The following NOTCH4 variants were observed in gnomAD, a reference collection of about 807,000 sequenced individuals.
NOTCH4 encodes the protein notch receptor 4.
NOTCH4 carries 138 observed loss-of-function variants against 189.0 expected under a neutral mutation model. That is an observed-to-expected ratio of 0.73 (90% CI 0.64 to 0.84). NOTCH4 has a LOEUF of 0.84. Among genes scored for constraint, NOTCH4 ranks in the 40% least tolerant of loss-of-function variants. The pLI, the probability that NOTCH4 is intolerant of heterozygous loss-of-function variation, is 0.00. For missense variants in NOTCH4, 2,286 were observed against 2,605.4 expected (o/e 0.88, Z 2.67); for synonymous variants, 942 against 1,032.8 (o/e 0.91, Z 1.69).
chr6:32,208,613 G>A (rs1490114856), intron 18 of NOTCH4, among the ~76,000 whole-genome samples: 1 of 152,112 alleles, frequency 6.6e-6, no homozygotes, highest in East Asian at 1.9e-4. Flanking sequence ...CCACGCCTGT[G>A]ATCCCAGTTA....
rs959514345 is a variant in NOTCH4, at chr6:32,212,816, G to A, written c.2526+8C>T. The A allele has an allele frequency of 1.3e-6, 2 of 1,524,240 alleles. No individual in the cohort carries two copies. The highest frequency in any genetic ancestry group is 1.8e-6 in the Non-Finnish European group (2 of 1,134,092). 94.4% of individuals were successfully genotyped at this position (1,524,240 alleles called of 1,614,324 possible). Reference sequence around the variant, plus strand: ...CTCCTCAGCACGCCTGACTTCAATGGCCCTCACCTGGCAGCTGCCTCCGGT... The same window carrying A: ...CTCCTCAGCACGCCTGACTTCAATGACCCTCACCTGGCAGCTGCCTCCGGT... On this transcript the variant is annotated splice_region_variant and intron_variant, in intron 16 of 29. Coordinates refer to ENST00000375023, the MANE Select transcript of NOTCH4 (RefSeq NM_004557.4). This position sits in a 1 kb window ranked among gnomAD's most constrained non-coding sequence, Gnocchi z 4.4.
intron 26 of NOTCH4, 81 bp from the exon 27 acceptor site, chr6:32,197,675 A>C: frequency 7.7e-7 from 1 of 1,295,160 alleles, no homozygotes; most frequent in South Asian, 1.5e-5. Context: ...AGAGAGAATC[A>C]AAACCTGAGG....
At chr6:32,213,657 ACCCCAG>A (rs1305622719) in intron 14 of NOTCH4, 25 bp downstream of exon 14, 1 of 1,605,652 alleles carries the variant, frequency 6.2e-7, no homozygotes, top group South Asian at 1.1e-5. Context: ...TCTCCTGTGG[ACCCCAG>A]CCCCATGACA....
chr6:32,219,331 T>C (rs1039295572), intron 8 of NOTCH4, among the ~76,000 whole-genome samples: 4 of 152,100 alleles, frequency 2.6e-5, no homozygotes, highest in African/African-American at 9.7e-5. Flanking sequence ...TGGACCAGGT[T>C]GTGCAGCCTC....
chr6:32,223,826 T>C (rs1789951567), intron 1 of NOTCH4, 30 bp downstream of exon 1: 2 of 1,595,764 alleles, frequency 1.3e-6, no homozygotes, highest in Admixed American at 3.5e-5. Context: ...GGGAGCTGGG[T>C]CCCCTCACCT....
chr6:32,196,151 C>T lies in NOTCH4; in HGVS notation c.5299-1G>A. On this transcript the variant is annotated splice_acceptor_variant, in intron 29 of 29. Transcript: ENST00000375023. LOFTEE classifies it high-confidence loss of function. Reference sequence around the variant, plus strand: ...CCGCCAGGAATAGCGGCGTCTGCTCCTGTACAGAAGAGCCAGGGCCGATAT... The same window carrying T: ...CCGCCAGGAATAGCGGCGTCTGCTCTTGTACAGAAGAGCCAGGGCCGATAT... 1 of 1,590,808 alleles carries T rather than the reference C, an allele frequency of 6.3e-7. No homozygotes were observed. Among genetic ancestry groups the T allele is most frequent in the Non-Finnish European group, 8.5e-7 (1 of 1,174,724 alleles).
chr6:32,197,398 GCGGGCAGCGGTTGGCCGGGAGAAT>G lies in NOTCH4; in HGVS notation c.4929_4952del (p.Phe1644_Arg1651del), dbSNP rs1337999456. 6.5e-7 allele frequency: 1 copy of G among 1,541,132 alleles called. No homozygotes were observed. The highest frequency in any genetic ancestry group is 8.7e-7 in the Non-Finnish European group (1 of 1,143,678). On this transcript the variant is annotated inframe_deletion, in exon 27 of 30. Transcript: ENST00000375023. ...GGTTGGCTCCAGCCTCAAGGAGGCG[GCGGGCAGCGGTTGGCCGGGAGAAT>G]CGGGCAGCCAGGTGCAGGGGGGTCT...
At chr6:32,197,684 G>T in intron 26 of NOTCH4, 90 bp from the exon 27 acceptor site, 1 of 1,212,710 alleles carries the variant, frequency 8.2e-7, no homozygotes, top group Non-Finnish European at 1.1e-6. Flanking sequence ...CAAAACCTGA[G>T]GTGTTGGGAA....
At position 32,212,003 on chromosome 6, in the gene NOTCH4, A is replaced by G. The variant is rs118058787; in HGVS notation, c.2680+471T>C. Among the ~76,000 whole-genome samples the G allele has an allele frequency of 2.3e-3, 353 of 152,314 alleles. 15 individuals carry two copies. In the East Asian group the frequency reaches 0.06, roughly 26 times the overall value. On this transcript the variant is annotated intron_variant, in intron 17 of 29. Coordinates refer to ENST00000375023, the MANE Select transcript of NOTCH4 (RefSeq NM_004557.4). The surrounding 1 kb of genome is among the most constrained non-coding windows in gnomAD (Gnocchi z 4.4). ...TCTCTCCCTGTGATTCCCATCAGCT[A>G]TCCCTTAACTCCATCATAATCTCTT...
At position 32,200,863 on chromosome 6, in the gene NOTCH4, G is replaced by A. The variant is rs745649531; in HGVS notation, c.4283C>T (p.Pro1428Leu). The change falls in exon 23 of 30, where the codon CCA (proline) becomes CTA (leucine). Residue 1428 changes from proline (P) to leucine (L), a missense_variant. Physicochemically the swap from Pro to Leu is moderately conservative, Grantham distance 98. This residue lies in a region of NOTCH4 where 1,903 missense variants were observed against 2,261.9 expected (regional missense o/e 0.84). Transcript: ENST00000375023. The surrounding 1 kb of genome is among the most constrained non-coding windows in gnomAD (Gnocchi z 5.0). Reference sequence around the variant, plus strand: ...TGCATGAGGGTGGACAGCCAGCAGTGGTCCAGGCAGCAGGGGCTCCAGGGC... The same window carrying A: ...TGCATGAGGGTGGACAGCCAGCAGTAGTCCAGGCAGCAGGGGCTCCAGGGC... ...VGALEPLLPG[P>L]LLAVHPHAGT... The A allele has an allele frequency of 6.2e-7, 1 of 1,608,424 alleles. No homozygotes were observed. The highest frequency in any genetic ancestry group is 1.7e-5 in the Admixed American group (1 of 59,206).
chr6:32,198,285 C>A lies in NOTCH4; in HGVS notation c.4756+136G>T. The A allele has an allele frequency of 1.0e-6, 1 of 957,146 alleles. No individual in the cohort carries two copies. Among genetic ancestry groups the A allele is most frequent in the Non-Finnish European group, 1.5e-6 (1 of 656,368 alleles). The allele number at this position is 957,146 out of a possible 1,614,324, so 59.3% of individuals were successfully genotyped here. A position where few individuals can be genotyped will look rare whatever the true frequency, so the allele number is the denominator to read the frequency against. On this transcript the variant is annotated intron_variant, in intron 26 of 29. Coordinates refer to ENST00000375023, the MANE Select transcript of NOTCH4 (RefSeq NM_004557.4). This position sits in a 1 kb window ranked among gnomAD's most constrained non-coding sequence, Gnocchi z 5.5. Reference sequence around the variant, plus strand: ...TGATGCTGATTTTGCTGTCTGAGGACCACACTTTGAGAATCATTGTTCTAA... The same window carrying A: ...TGATGCTGATTTTGCTGTCTGAGGAACACACTTTGAGAATCATTGTTCTAA...
chr6:32,207,637 C>G lies in NOTCH4; in HGVS notation c.2865+3115G>C, dbSNP rs2856435. Among the ~76,000 whole-genome samples the G allele has an allele frequency of 2.7e-3, 377 of 141,370 alleles. 2 individuals carry two copies. The highest frequency in any genetic ancestry group is 4.5e-3 in the Non-Finnish European group (286 of 63,942). The allele number at this position is 141,370 out of a possible 152,430, so 92.7% of individuals were successfully genotyped here. A position where few individuals can be genotyped will look rare whatever the true frequency, so the allele number is the denominator to read the frequency against. On this transcript the variant is annotated intron_variant, in intron 18 of 29. Transcript: ENST00000375023. ...ACAGAGCAAGACTCTATCCCCCCCCCCCAAAAAAAAAGAAAAAAAGAAACT... is the reference window on the plus strand; with the variant it reads ...ACAGAGCAAGACTCTATCCCCCCCCGCCAAAAAAAAAGAAAAAAAGAAACT...
intron 20 of NOTCH4, 181 bp downstream of exon 20, chr6:32,203,589 A>G (rs190144753): frequency 5.3e-6 from 3 of 566,248 alleles, no homozygotes; most frequent in African/African-American, 1.9e-5. Context: ...CATGCTATCA[A>G]CTGATCCTGC....
In NOTCH4 at chr6:32,201,638, G is replaced by T; in HGVS notation, c.3756-138C>A. On this transcript the variant is annotated intron_variant, in intron 21 of 29. Coordinates refer to ENST00000375023, the MANE Select transcript of NOTCH4 (RefSeq NM_004557.4). The surrounding 1 kb of genome is among the most constrained non-coding windows in gnomAD (Gnocchi z 5.5). ...GGGCAGCTGTGGAGCAATGAGCTTA[G>T]TCAAGTCCTGGATGGTAGTCCAGAC... 1.3e-6 allele frequency: 1 copy of T among 762,178 alleles called. No homozygotes were observed. The highest frequency in any genetic ancestry group is 1.9e-6 in the Non-Finnish European group (1 of 527,212). 47.2% of individuals were successfully genotyped at this position (762,178 alleles called of 1,614,324 possible). A position where few individuals can be genotyped will look rare whatever the true frequency, so the allele number is the denominator to read the frequency against.
In NOTCH4 at chr6:32,195,439, A is replaced by G. The variant is rs1401101838; in HGVS notation, c.6010T>C (p.Ter2004GlnextTer5). The G allele has an allele frequency of 6.3e-7, 1 of 1,583,408 alleles. No individual in the cohort carries two copies. Among genetic ancestry groups the G allele is most frequent in the Non-Finnish European group, 8.6e-7 (1 of 1,164,826 alleles). ...ATTCCTCCCTACCATGTATTCTTCT[A>G]TTTTTTACCCTCTCCTCCTTGGTTT... is the stretch of plus-strand genomic sequence containing the variant. Reference protein sequence around the residue: ...PINQGGEGKK* With the variant: ...PINQGGEGKKQ The change falls in exon 30 of 30, where the codon TAG (stop) becomes CAG (glutamine). Residue 2004 changes from the stop codon to glutamine (Q), a stop_lost. Transcript: ENST00000375023. This position sits in a 1 kb window ranked among gnomAD's most constrained non-coding sequence, Gnocchi z 5.4.
At position 32,223,864 on chromosome 6, in the gene NOTCH4, C is replaced by A. The variant is rs2127492705; in HGVS notation, c.65G>T (p.Arg22Ile). Reference protein sequence around the residue: ...LLLLLCVSVVRPRGLLCGSFP... With the variant: ...LLLLLCVSVVIPRGLLCGSFP... ...CCCACGCCATGCCTCACCTCTGGGT[C>A]TGACCACTGAGACACATAGCAGCAG... The change falls in exon 1 of 30, where the codon AGA becomes ATA. Residue 22 changes from arginine to isoleucine, a missense_variant. Transcript: ENST00000375023. 6.2e-7 allele frequency: 1 copy of A among 1,605,848 alleles called. No homozygotes were observed.
rs142477287 is a variant in NOTCH4 at position 32,202,158 on chromosome 6, G to A, written c.3673C>T (p.Arg1225Trp). The change falls in exon 21 of 30, where the codon CGG becomes TGG. Residue 1225 changes from arginine to tryptophan, a missense_variant. Coordinates refer to ENST00000375023, the MANE Select transcript of NOTCH4 (RefSeq NM_004557.4). The surrounding 1 kb of genome is among the most constrained non-coding windows in gnomAD (Gnocchi z 5.7). ...PSHSRCWLLFRDGQCHPQCDS... is the reference protein window; with the variant it reads ...PSHSRCWLLFWDGQCHPQCDS... ...CACTGTGGGTGGCACTGCCCGTCCC[G>A]GAAGAGAAGCCAGCACCGAGAGTGG... 4.6e-6 allele frequency: 7 copies of A among 1,519,974 alleles called. No homozygotes were observed. The highest frequency in any genetic ancestry group is 6.2e-6 in the Non-Finnish European group (7 of 1,134,320). The allele number at this position is 1,519,974 out of a possible 1,614,324, so 94.2% of individuals were successfully genotyped here. A position where few individuals can be genotyped will look rare whatever the true frequency, so the allele number is the denominator to read the frequency against.
Position 32,210,103 on chromosome 6 carries a change from C to A in NOTCH4, c.2865+649G>T, listed in dbSNP as rs206018. ...CACAAAGAAGAGGCCCTAATCCAGC[C>A]TGGGGAGAAGTTAGGGACATCTTCC... is the stretch of plus-strand genomic sequence containing the variant. On this transcript the variant is annotated intron_variant, in intron 18 of 29. Coordinates refer to ENST00000375023, the MANE Select transcript of NOTCH4 (RefSeq NM_004557.4). The surrounding 1 kb of genome is among the most constrained non-coding windows in gnomAD (Gnocchi z 4.8). Among the ~76,000 whole-genome samples the A allele has an allele frequency of 5.9e-5, 9 of 152,018 alleles. No individual in the cohort carries two copies. The highest frequency in any genetic ancestry group is 1.9e-4 in the African/African-American group (8 of 41,344).
At chr6:32,196,278 C>T (rs370085599) in intron 29 of NOTCH4, 46 bp downstream of exon 29, 4 of 1,612,980 alleles carry the variant, frequency 2.5e-6, no homozygotes, top group Non-Finnish European at 2.5e-6. Flanking sequence ...CTTTCCATCT[C>T]TCGTGCGCCT....
Sources: gnomAD v4.1 joint callset for allele counts (sites outside exome capture counted in the v4.1 genomes callset) on GRCh38, gnomAD v4.1.1 for gene constraint, gnomAD v4.1.1 regional missense constraint, Gnocchi (gnomAD v3.1) non-coding constraint, MANE v1.5 for transcripts, NCBI Gene and HGNC (gene_info 2026-07-23, HGNC 2026-07-21) for gene names.